IARS2: variants seen among roughly 807,000 people sequenced by gnomAD.
The protein encoded by IARS2 is isoleucine--tRNA ligase, mitochondrial.
A neutral mutation model predicts 126.3 loss-of-function variants in IARS2; 56 were observed. That is an observed-to-expected ratio of 0.44 (90% CI 0.36 to 0.55). The LOEUF (loss-of-function observed/expected upper bound fraction) is 0.55, where lower values mean the gene tolerates loss of function less well. IARS2 is among the 20% of genes least tolerant of loss of function. The probability of loss-of-function intolerance (pLI) is 0.00; values close to 1 mark genes in which losing one functional copy is unlikely to be tolerated. For synonymous variants in IARS2, 407 were observed against 441.1 expected (o/e 0.92, Z 0.97); for missense variants, 1,127 against 1,245.9 (o/e 0.90, Z 1.44).
intron 10 of IARS2, among the ~76,000 whole-genome samples, chr1:220,109,623 A>G (rs1656756735): frequency 6.6e-6 from 1 of 152,246 alleles, no homozygotes; most frequent in South Asian, 2.1e-4. Context: ...AAGGGTAATG[A>G]GATGAGTTTC....
intron 2 of IARS2, among the ~76,000 whole-genome samples, chr1:220,098,343 A>G (rs1006539785): frequency 3.3e-5 from 5 of 152,166 alleles, no homozygotes; most frequent in Admixed American, 1.3e-4. Flanking sequence ...TCCTCTTCCT[A>G]GAATGCATCA....
intron 1 of IARS2, among the ~76,000 whole-genome samples, chr1:220,095,102 G>C (rs1353506073): frequency 3.9e-5 from 6 of 152,302 alleles, no homozygotes; most frequent in African/African-American, 9.6e-5. Context: ...GCAATGGCGC[G>C]ATCTCAGCTC....
chr1:220,102,124 T>G lies in IARS2; in HGVS notation c.551-5T>G. On this transcript the variant is annotated splice_polypyrimidine_tract_variant and splice_region_variant and intron_variant, in intron 3 of 22. Coordinates refer to ENST00000366922, the MANE Select transcript of IARS2 (RefSeq NM_018060.4). ...TTTAAAATCTTTTTTTCGTCTTTTT[T>G]TTAGCTAGATCATTTGCTAAAGCAG... 1 of 1,591,396 alleles carries G rather than the reference T, an allele frequency of 6.3e-7. No homozygotes were observed.
At chr1:220,113,707 T>C (rs72747389) in intron 11 of IARS2, among the ~76,000 whole-genome samples, 22,347 of 151,480 alleles carry the variant, frequency 0.15, 2,028 homozygotes, top group Admixed American at 0.22. Flanking sequence ...TGCACTGCCA[T>C]GCTCATAGCT....
chr1:220,099,229 A>T (rs1463623234), intron 2 of IARS2, among the ~76,000 whole-genome samples: 2 of 113,612 alleles, frequency 1.8e-5, no homozygotes, highest in African/African-American at 4.3e-5. Flanking sequence ...AAAAAAAAAA[A>T]AAGAAATAAA....
chr1:220,101,929 AG>A (rs930153237), intron 3 of IARS2, among the ~76,000 whole-genome samples, 199 bp from the exon 4 acceptor site: 7 of 152,108 alleles, frequency 4.6e-5, no homozygotes, highest in African/African-American at 1.4e-4. Context: ...TGAACCCGGG[AG>A]GCAGAGGCTT....
chr1:220,094,464 C>T lies in IARS2; in HGVS notation c.248C>T (p.Thr83Met), dbSNP rs1403566380. Reference protein sequence around the residue: ...MKLLGRQQPDTELEIQQKCGF... With the variant: ...MKLLGRQQPDMELEIQQKCGF... Reference sequence around the variant, plus strand: ...CTGCTGGGCCGCCAGCAGCCGGACACGGAGCTGGAGATCCAGCAGGTACGG... The same window carrying T: ...CTGCTGGGCCGCCAGCAGCCGGACATGGAGCTGGAGATCCAGCAGGTACGG... Residue 83 changes from threonine to methionine, a missense_variant, in exon 1 of 23, where the codon ACG becomes ATG. Thr to Met is a moderately conservative substitution (Grantham distance 81, BLOSUM62 -1). Coordinates refer to ENST00000366922, the MANE Select transcript of IARS2 (RefSeq NM_018060.4). 1.2e-6 allele frequency: 2 copies of T among 1,608,888 alleles called. No homozygotes were observed. The highest frequency in any genetic ancestry group is 1.3e-5 in the African/African-American group (1 of 74,870).
chr1:220,145,339 A>G (rs1203599824), intron 21 of IARS2, among the ~76,000 whole-genome samples, 170 bp from the exon 22 acceptor site: 2 of 152,178 alleles, frequency 1.3e-5, no homozygotes, highest in African/African-American at 2.4e-5. Flanking sequence ...TATTTAGTTA[A>G]AACCTTTTAT....
rs780458958 is a variant in IARS2 at position 220,094,216 on chromosome 1, C to T, written c.-1C>T. 1.3e-5 allele frequency: 20 copies of T among 1,567,562 alleles called. No homozygotes were observed. The African/African-American group carries it at 2.6e-4, about 20-fold the overall frequency. The stretch of plus-strand genomic sequence containing the variant: ...ACCCCGCTCTCAGGGGTTGCCGGAC[C>T]ATGCGTTGGGGGCTGCGCCCTCGCG... On this transcript the variant is annotated 5_prime_UTR_variant, in exon 1 of 23. Coordinates refer to ENST00000366922, the MANE Select transcript of IARS2 (RefSeq NM_018060.4).
intron 2 of IARS2, among the ~76,000 whole-genome samples, chr1:220,098,744 GA>G (rs1171606771): frequency 6.6e-6 from 1 of 152,126 alleles, no homozygotes; most frequent in Non-Finnish European, 1.5e-5. Flanking sequence ...GTTTGATACT[GA>G]GGAGTTAGTA....
Position 220,102,239 on chromosome 1 carries a change from G to C in IARS2, c.661G>C (p.Ala221Pro). Residue 221 changes from alanine (A) to proline (P), a missense_variant, in exon 4 of 23, where the codon GCC becomes CCC. By Grantham distance (27) the Ala-to-Pro change is conservative. Coordinates refer to ENST00000366922, the MANE Select transcript of IARS2 (RefSeq NM_018060.4). ...CYYTFDGKYE[A>P]KQLRTFYQMY... ...CTATACATTTGATGGGAAGTATGAA[G>C]CCAAACAGTTGAGAACTTTTTACCA... 1 of 1,610,634 alleles carries C rather than the reference G, an allele frequency of 6.2e-7. No individual in the cohort carries two copies. The highest frequency in any genetic ancestry group is 8.5e-7 in the Non-Finnish European group (1 of 1,179,300).
intron 14 of IARS2, among the ~76,000 whole-genome samples, chr1:220,130,124 T>C (rs759661875): frequency 6.6e-6 from 1 of 152,232 alleles, no homozygotes; most frequent in Non-Finnish European, 1.5e-5. Context: ...TGTTGAACAT[T>C]TTTTCATATA....
intron 22 of IARS2, among the ~76,000 whole-genome samples, chr1:220,146,947 C>T (rs897565428): frequency 2.0e-5 from 3 of 152,202 alleles, no homozygotes; most frequent in African/African-American, 7.2e-5. Context: ...GCTGGGATTA[C>T]AGGCTTGAGC....
At chr1:220,097,908 G>C (rs1277722471) in intron 2 of IARS2, among the ~76,000 whole-genome samples, 1 of 150,370 alleles carries the variant, frequency 6.7e-6, no homozygotes, top group Non-Finnish European at 1.5e-5. Flanking sequence ...AGAGTCTCAC[G>C]CTGTCACCCA....
chr1:220,131,508 C>T (rs1433877519), intron 14 of IARS2, among the ~76,000 whole-genome samples: 2 of 151,964 alleles, frequency 1.3e-5, no homozygotes, highest in South Asian at 2.1e-4. Flanking sequence ...TGAGCCATCA[C>T]GCCCAGCAAA....
chr1:220,119,474 A>G lies in IARS2; in HGVS notation c.1640+5000A>G, dbSNP rs549834599. On this transcript the variant is annotated intron_variant, in intron 12 of 22. Transcript: ENST00000366922. ...AAAGAAATGAAGGTAGAATTCTTAA[A>G]TTTCAGACAAATTAGGAATTTTCCT... Among the ~76,000 whole-genome samples the G allele has an allele frequency of 1.3e-3, 191 of 152,254 alleles. 1 individual carries two copies. The highest frequency in any genetic ancestry group is 2.3e-3 in the Non-Finnish European group (158 of 67,974).
At chr1:220,133,050 G>A (rs986096621) in intron 14 of IARS2, among the ~76,000 whole-genome samples, 10 of 147,444 alleles carry the variant, frequency 6.8e-5, no homozygotes, top group East Asian at 4.0e-4. Flanking sequence ...TTACTCTGTC[G>A]CCCAGGCTAG....
At position 220,147,581 on chromosome 1, in the gene IARS2, G is replaced by A. The variant is rs574368031; in HGVS notation, c.2985G>A (p.Ala995=). ...EKCPRCWKYT[A]ESSDTLCPRC... ...GCCCCCGTTGTTGGAAGTATACAGC[G>A]GAGTCTTCAGATACACTGTGTCCTC... Residue 995 remains alanine, a synonymous_variant, in exon 23 of 23, where the codon GCG becomes GCA. Transcript: ENST00000366922. 1.1e-5 allele frequency: 17 copies of A among 1,614,068 alleles called. No homozygotes were observed. In the South Asian group the frequency reaches 1.1e-4, roughly 10 times the overall value.
chr1:220,124,772 A>C (rs1022908099), intron 12 of IARS2, among the ~76,000 whole-genome samples: 22 of 152,234 alleles, frequency 1.4e-4, no homozygotes, highest in Non-Finnish European at 7.3e-5. Flanking sequence ...TTAGGAATGC[A>C]TCTATTTCAA....
Sources: allele counts gnomAD v4.1 joint callset (sites outside exome capture counted in the v4.1 genomes callset), GRCh38; gene constraint gnomAD v4.1.1; transcripts MANE v1.5; gene names NCBI Gene and HGNC (gene_info 2026-07-23, HGNC 2026-07-21).